PHF21A: variants seen among roughly 807,000 people sequenced by gnomAD.
The protein encoded by PHF21A is BHC80a.
Under a neutral mutation model 82.5 loss-of-function variants are expected in PHF21A, and 11 were observed. The ratio of observed to expected loss-of-function variants is 0.13; its 90% CI spans 0.08 to 0.22. The LOEUF (loss-of-function observed/expected upper bound fraction) is 0.22. Among genes scored for constraint, PHF21A ranks in the 10% least tolerant of loss-of-function variants. The pLI is 1.00. For missense variants in PHF21A, 579 were observed against 837.8 expected (o/e 0.69, Z 3.81); for synonymous variants, 297 against 302.8 (o/e 0.98, Z 0.20).
At chr11:46,115,585 T>C (rs1366560942) in intron 1 of PHF21A, among the ~76,000 whole-genome samples, 1 of 152,124 alleles carries the variant, frequency 6.6e-6, no homozygotes, top group African/African-American at 2.4e-5. Context: ...ATCAAAACGT[T>C]AAAGAATTCT....
At position 46,072,144 on chromosome 11, in the gene PHF21A, C is replaced by T. The variant is rs114438715; in HGVS notation, c.153+4610G>A. 2.3e-3 allele frequency among the ~76,000 whole-genome samples: 351 copies of T among 152,272 alleles called. 1 individual carries two copies. The highest frequency in any genetic ancestry group is 7.9e-3 in the African/African-American group (327 of 41,558). On this transcript the variant is annotated intron_variant, in intron 6 of 18. Coordinates refer to ENST00000676320, the MANE Select transcript of PHF21A (RefSeq NM_001352027.3). ...TAGTAATCCTACAGATACAGATATG[C>T]TACTGTAATAGAAAATGCTAATTAT...
At chr11:46,028,809 T>A (rs987986703) in intron 6 of PHF21A, among the ~76,000 whole-genome samples, 1 of 152,188 alleles carries the variant, frequency 6.6e-6, no homozygotes, top group Non-Finnish European at 1.5e-5. Flanking sequence ...CCTGACCTCA[T>A]CGTCCACTCG....
intron 11 of PHF21A, among the ~76,000 whole-genome samples, chr11:45,952,212 A>G (rs565810243): frequency 1.5e-4 from 23 of 152,322 alleles, no homozygotes; most frequent in African/African-American, 5.5e-4. Flanking sequence ...ATTCTGTCCA[A>G]CTAGAAGGTG....
intron 7 of PHF21A, among the ~76,000 whole-genome samples, chr11:45,971,835 A>G (rs1033592876): frequency 1.4e-5 from 2 of 145,992 alleles, no homozygotes; most frequent in Non-Finnish European, 3.0e-5. Context: ...ACAGTTCTGG[A>G]TATCTGCTTC....
chr11:45,945,411 C>T (rs1048322532), intron 15 of PHF21A, among the ~76,000 whole-genome samples: 6 of 152,172 alleles, frequency 3.9e-5, no homozygotes, highest in Non-Finnish European at 8.8e-5. Context: ...AACAGTTGCT[C>T]TAAAGAAAAC....
intron 6 of PHF21A, chr11:46,049,361 C>G (rs562815312): frequency 1.1e-4 from 50 of 447,456 alleles, no homozygotes; most frequent in African/African-American, 9.1e-4. Flanking sequence ...CTCACCATTC[C>G]TTTTGATCCA....
intron 1 of PHF21A, among the ~76,000 whole-genome samples, chr11:46,096,462 G>A (rs1048969950): frequency 6.6e-5 from 10 of 152,048 alleles, no homozygotes; most frequent in African/African-American, 2.4e-4. Flanking sequence ...TTCTTGTGAA[G>A]ATCACCAATG....
chr11:45,955,283 A>AACAC (rs3061874), intron 10 of PHF21A, among the ~76,000 whole-genome samples: 9 of 148,664 alleles, frequency 6.1e-5, no homozygotes, highest in African/African-American at 1.7e-4. Context: ...TTCTCTCTCC[A>AACAC]ACACACACAC....
chr11:45,939,768 G>GC (rs1242405618), intron 15 of PHF21A, among the ~76,000 whole-genome samples: 1 of 70,604 alleles, frequency 1.4e-5, no homozygotes. Context: ...GGAGAACATA[G>GC]CCCAAAAAAA....
At chr11:45,958,441 T>C (rs1230186666) in intron 10 of PHF21A, among the ~76,000 whole-genome samples, 20 of 34,894 alleles carry the variant, frequency 5.7e-4, no homozygotes, top group East Asian at 5.1e-3. Context: ...TATATATATA[T>C]ATATATATAC....
intron 6 of PHF21A, among the ~76,000 whole-genome samples, chr11:46,017,200 A>G (rs958568676): frequency 6.6e-6 from 1 of 151,954 alleles, no homozygotes; most frequent in Admixed American, 6.6e-5. Flanking sequence ...CAAACTCCCG[A>G]CCTCAGGTGA....
chr11:46,083,168 T>TA lies in PHF21A; in HGVS notation c.54+997dup, dbSNP rs76595296. On this transcript the variant is annotated intron_variant, in intron 4 of 18. Transcript: ENST00000676320. ...CCTCAATTAGTAACAGAAGCAAAGT[T>TA]AAAAAAAAAAAAAAGTACACAGCTT... 1.5e-3 allele frequency among the ~76,000 whole-genome samples: 220 copies of TA among 142,236 alleles called. 1 individual carries two copies. Among genetic ancestry groups the TA allele is most frequent in the African/African-American group, 3.1e-3 (122 of 39,120 alleles). The allele number at this position is 142,236 out of a possible 152,430, so 93.3% of individuals were successfully genotyped here.
At chr11:46,090,036 T>A (rs1201097762) in intron 3 of PHF21A, among the ~76,000 whole-genome samples, 7 of 151,636 alleles carry the variant, frequency 4.6e-5, no homozygotes, top group South Asian at 4.2e-4. Context: ...AATATACACA[T>A]TCTTCTATTT....
intron 6 of PHF21A, among the ~76,000 whole-genome samples, chr11:46,001,453 A>C (rs955692951): frequency 6.6e-6 from 1 of 151,908 alleles, no homozygotes; most frequent in Non-Finnish European, 1.5e-5. Context: ...ATAACCTAGG[A>C]AATAAATAAC....
chr11:46,061,021 G>A (rs991585572), intron 6 of PHF21A, among the ~76,000 whole-genome samples: 92 of 152,266 alleles, frequency 6.0e-4, no homozygotes, highest in African/African-American at 2.2e-3. Context: ...TTAATTTTCT[G>A]CATATGGCTA....
intron 6 of PHF21A, among the ~76,000 whole-genome samples, chr11:46,012,958 C>T (rs552976244): frequency 3.3e-5 from 5 of 152,286 alleles, no homozygotes; most frequent in African/African-American, 1.2e-4. Flanking sequence ...GAAAATTTAC[C>T]ATCAGTCCCC....
At chr11:45,950,170 A>AG in intron 12 of PHF21A, 36 bp downstream of exon 12, 1 of 1,513,026 alleles carries the variant, frequency 6.6e-7, no homozygotes, top group South Asian at 1.2e-5. Flanking sequence ...GCTGTGGGCC[A>AG]GAAAAAAAGG....
At chr11:46,055,234 A>AT in intron 6 of PHF21A, among the ~76,000 whole-genome samples, 1 of 152,244 alleles carries the variant, frequency 6.6e-6, no homozygotes, top group East Asian at 1.9e-4. Flanking sequence ...AAAGCAGCAA[A>AT]TTTTTAGTAA....
At chr11:45,935,471 G>A (rs2088703143) in intron 18 of PHF21A, 165 bp downstream of exon 18, 2 of 645,698 alleles carry the variant, frequency 3.1e-6, no homozygotes, top group Admixed American at 2.7e-5. Flanking sequence ...TGTACCTGAG[G>A]TCTGAACTCT....
Sources: gnomAD v4.1 joint callset for allele counts (sites outside exome capture counted in the v4.1 genomes callset) on GRCh38, gnomAD v4.1.1 for gene constraint, MANE v1.5 for transcripts, NCBI Gene and HGNC (gene_info 2026-07-23, HGNC 2026-07-21) for gene names.